HDAC9: variants seen among roughly 807,000 people sequenced by gnomAD.
The protein encoded by HDAC9 is MEF-2 interacting transcription repressor (MITR) protein.
A neutral mutation model predicts 139.4 loss-of-function variants in HDAC9; 41 were observed. That is an observed-to-expected ratio of 0.29 (90% CI 0.23 to 0.38). The LOEUF is 0.38. Among genes scored for constraint, HDAC9 ranks in the 10% least tolerant of loss-of-function variants. The pLI is 1.00. For synonymous variants in HDAC9, 517 were observed against 476.2 expected, an observed-to-expected ratio of 1.09 and a Z score of -1.12; for missense variants, 1,147 against 1,297.0, an observed-to-expected ratio of 0.88 and a Z score of 1.78.
At chr7:18,488,703 C>T (rs1341935457) in intron 1 of HDAC9, among the ~76,000 whole-genome samples, 1 of 151,994 alleles carries the variant, frequency 6.6e-6, no homozygotes, top group Non-Finnish European at 1.5e-5. Flanking sequence ...TACTGTAAAG[C>T]AGAGTTACAA....
intron 1 of HDAC9, among the ~76,000 whole-genome samples, chr7:18,306,589 C>CT (rs1197882226): frequency 2.6e-5 from 4 of 152,138 alleles, no homozygotes; most frequent in Non-Finnish European, 5.9e-5. Flanking sequence ...TCTACACATA[C>CT]TTTTGGTCTC....
chr7:18,927,971 G>A (rs1019627621), intron 22 of HDAC9, among the ~76,000 whole-genome samples: 4 of 152,108 alleles, frequency 2.6e-5, no homozygotes, highest in African/African-American at 4.8e-5. Context: ...CATCAGCAAC[G>A]TCAACAAATG....
intron 6 of HDAC9, among the ~76,000 whole-genome samples, chr7:18,601,730 G>A (rs571248271): frequency 6.4e-4 from 98 of 152,132 alleles, no homozygotes; most frequent in African/African-American, 2.2e-3. Flanking sequence ...TGATATAATC[G>A]TACGATTTTT....
intron 22 of HDAC9, among the ~76,000 whole-genome samples, chr7:18,891,635 C>T (rs1800691000): frequency 6.6e-6 from 1 of 152,144 alleles, no homozygotes; most frequent in Non-Finnish European, 1.5e-5. Flanking sequence ...GCTTGGGGCC[C>T]TAGCTCCTTG....
At chr7:18,910,259 A>C (rs1466893175) in intron 22 of HDAC9, among the ~76,000 whole-genome samples, 1 of 151,942 alleles carries the variant, frequency 6.6e-6, no homozygotes, top group African/African-American at 2.4e-5. Flanking sequence ...AGTTTTCATC[A>C]TAGAAATCTT....
intron 2 of HDAC9, among the ~76,000 whole-genome samples, chr7:18,238,034 A>G (rs1297257507): frequency 3.0e-4 from 45 of 152,170 alleles, no homozygotes; most frequent in Non-Finnish European, 1.5e-4. Context: ...CTTCCATGCT[A>G]TTTTAGCAGT....
At chr7:18,839,272 A>C (rs1244676681) in intron 21 of HDAC9, among the ~76,000 whole-genome samples, 1 of 152,056 alleles carries the variant, frequency 6.6e-6, no homozygotes, top group Non-Finnish European at 1.5e-5. Flanking sequence ...AGTGCTTTAT[A>C]TAAGTCACGG....
intron 1 of HDAC9, among the ~76,000 whole-genome samples, chr7:18,459,704 G>C (rs768039545): frequency 2.7e-5 from 4 of 150,036 alleles, no homozygotes; most frequent in Non-Finnish European, 5.9e-5. Context: ...GAGCCTAGTA[G>C]AGTTCTCTAA....
intron 1 of HDAC9, among the ~76,000 whole-genome samples, chr7:18,490,516 A>G (rs1348853550): frequency 2.0e-5 from 3 of 152,050 alleles, no homozygotes; most frequent in Admixed American, 2.0e-4. Context: ...TACCTGCTGT[A>G]AAATCTTGCG....
chr7:18,353,761 T>G (rs1194442508), intron 1 of HDAC9, among the ~76,000 whole-genome samples: 1 of 152,208 alleles, frequency 6.6e-6, no homozygotes, highest in Non-Finnish European at 1.5e-5. Flanking sequence ...ACTTTGCACC[T>G]TTGTGTTTTA....
chr7:18,867,212 G>C (rs995382707), intron 21 of HDAC9, among the ~76,000 whole-genome samples: 1 of 152,176 alleles, frequency 6.6e-6, no homozygotes. Flanking sequence ...ACCATTGGTA[G>C]GTGAGGACAA....
At chr7:18,933,965 C>T (rs866193669) in intron 22 of HDAC9, among the ~76,000 whole-genome samples, 4 of 151,848 alleles carry the variant, frequency 2.6e-5, no homozygotes, top group Admixed American at 6.6e-5. Flanking sequence ...CAAAAATATA[C>T]GTAATGCAGG....
At chr7:18,507,012 TTG>T (rs1799973552) in intron 2 of HDAC9, among the ~76,000 whole-genome samples, 1 of 152,062 alleles carries the variant, frequency 6.6e-6, no homozygotes, top group African/African-American at 2.4e-5. Flanking sequence ...AAAATTAGAA[TTG>T]TGTTTTAATG....
At chr7:18,550,128 C>A (rs988513187) in intron 2 of HDAC9, among the ~76,000 whole-genome samples, 4 of 152,032 alleles carry the variant, frequency 2.6e-5, no homozygotes, top group African/African-American at 9.7e-5. Context: ...TCATAGCTAT[C>A]TCATTCTTTA....
In HDAC9 at chr7:18,895,419, G is replaced by C. The variant is rs563363395; in HGVS notation, c.2803+20823G>C. 7.9e-5 allele frequency among the ~76,000 whole-genome samples: 12 copies of C among 152,192 alleles called. No individual in the cohort carries two copies. The South Asian group carries it at 2.3e-3, about 29-fold the overall frequency. On this transcript the variant is annotated intron_variant, in intron 22 of 25. Coordinates refer to ENST00000686413, the MANE Select transcript of HDAC9 (RefSeq NM_178425.4). The stretch of plus-strand genomic sequence containing the variant: ...AAATACTGCAGTGTGGCAGTAAAGA[G>C]AGTAAATTGAAAAGCTAGAAGGTGA...
intron 2 of HDAC9, 44 bp from the exon 3 acceptor site, chr7:18,585,237 A>G (rs376941850): frequency 5.8e-5 from 93 of 1,596,084 alleles, no homozygotes; most frequent in Non-Finnish European, 6.8e-5. Flanking sequence ...CCAATCTTCT[A>G]TTACCCTCCC....
intron 1 of HDAC9, among the ~76,000 whole-genome samples, chr7:18,400,397 C>T (rs1787431163): frequency 6.6e-6 from 1 of 152,120 alleles, no homozygotes; most frequent in African/African-American, 2.4e-5. Context: ...TGTTTTACTA[C>T]AATACTGAAG....
At chr7:18,784,471 C>G (rs1791525801) in intron 16 of HDAC9, among the ~76,000 whole-genome samples, 1 of 151,658 alleles carries the variant, frequency 6.6e-6, no homozygotes, top group African/African-American at 2.4e-5. Context: ...GCTACTATTG[C>G]TCTCAGTGTG....
intron 2 of HDAC9, among the ~76,000 whole-genome samples, chr7:18,566,133 A>G (rs935995781): frequency 1.3e-5 from 2 of 152,246 alleles, no homozygotes; most frequent in African/African-American, 4.8e-5. Context: ...ACTATTGTAG[A>G]AAGTGGTGTT....
Sources: gnomAD v4.1 joint callset for allele counts (sites outside exome capture counted in the v4.1 genomes callset) on GRCh38, gnomAD v4.1.1 for gene constraint, MANE v1.5 for transcripts, NCBI Gene and HGNC (gene_info 2026-07-23, HGNC 2026-07-21) for gene names.